Variants in RORB observed in about 807,000 individuals in gnomAD.
The protein encoded by RORB is RAR related orphan receptor B.
In RORB, 6 loss-of-function variants were observed where a neutral mutation model predicts 59.1. That is an observed-to-expected ratio of 0.10 (90% CI 0.06 to 0.20). The LOEUF (loss-of-function observed/expected upper bound fraction) is 0.20. RORB is among the 10% of genes least tolerant of loss of function. RORB has a pLI of 1.00. For missense variants in RORB, 320 were observed against 560.5 expected (o/e 0.57, Z 4.33); for synonymous variants, 215 against 204.5 (o/e 1.05, Z -0.44).
Position 74,662,452 on chromosome 9 carries a change from TTC to T in RORB, c.760-20_760-19del. On this transcript the variant is annotated intron_variant, in intron 5 of 9. Coordinates refer to ENST00000376896, the MANE Select transcript of RORB (RefSeq NM_006914.4). ...CCGTAAGTCGTTTGCCCTATTTACA[TTC>T]TGTGTCTTCTCTCCTCAAGTCCAGG... 6.2e-7 allele frequency: 1 copy of T among 1,613,246 alleles called. No homozygotes were observed. Among genetic ancestry groups the T allele is most frequent in the Non-Finnish European group, 8.5e-7 (1 of 1,179,332 alleles).
chr9:74,643,454 C>T (rs1045118854), intron 4 of RORB, among the ~76,000 whole-genome samples: 2 of 152,224 alleles, frequency 1.3e-5, no homozygotes, highest in African/African-American at 2.4e-5. Context: ...AAAGCTGATC[C>T]TCTTTCCTTC....
At chr9:74,580,580 A>C (rs1822707111) in intron 1 of RORB, among the ~76,000 whole-genome samples, 2 of 152,260 alleles carry the variant, frequency 1.3e-5, no homozygotes, top group South Asian at 2.1e-4. Context: ...GCAGTGCCCC[A>C]AAAATAATTC....
At chr9:74,585,969 TG>T (rs1388764187) in intron 1 of RORB, among the ~76,000 whole-genome samples, 1 of 151,396 alleles carries the variant, frequency 6.6e-6, no homozygotes, top group Non-Finnish European at 1.5e-5. Flanking sequence ...TAATTTTTTG[TG>T]TTTTTAGTAG....
chr9:74,689,421 C>T lies in RORB; in HGVS notation c.*3803C>T, dbSNP rs1646505815. 2 of 152,170 alleles carry T rather than the reference C, an allele frequency of 1.3e-5. No individual in the cohort carries two copies. The highest frequency in any genetic ancestry group is 4.8e-5 in the African/African-American group (2 of 41,418). 9.4% of individuals were successfully genotyped at this position (152,170 alleles called of 1,614,324 possible). ...GCCCTGCCTTCAGTGGCTCTTTTATCCCCCAAAGACTGAAAGCTGAAGGTG... is the reference window on the plus strand; with the variant it reads ...GCCCTGCCTTCAGTGGCTCTTTTATTCCCCAAAGACTGAAAGCTGAAGGTG... On this transcript the variant is annotated 3_prime_UTR_variant, in exon 10 of 10. Transcript: ENST00000376896.
chr9:74,675,139 T>A (rs142390203), intron 9 of RORB, among the ~76,000 whole-genome samples: 3 of 151,686 alleles, frequency 2.0e-5, no homozygotes, highest in Non-Finnish European at 4.4e-5. Context: ...AGTTGGGAGG[T>A]TGAAGAAGTG....
At chr9:74,527,394 C>A (rs1826170348) in intron 1 of RORB, among the ~76,000 whole-genome samples, 1 of 151,938 alleles carries the variant, frequency 6.6e-6, no homozygotes, top group African/African-American at 2.4e-5. Flanking sequence ...AAACCCCCTA[C>A]CCTAATGAAA....
intron 1 of RORB, among the ~76,000 whole-genome samples, chr9:74,628,417 G>A (rs1025058107): frequency 3.9e-5 from 6 of 152,050 alleles, no homozygotes; most frequent in Non-Finnish European, 7.4e-5. Context: ...TGAAGTATCA[G>A]GATATTTAGC....
intron 7 of RORB, among the ~76,000 whole-genome samples, chr9:74,666,880 T>C (rs1824277167): frequency 6.6e-6 from 1 of 152,230 alleles, no homozygotes; most frequent in Admixed American, 6.5e-5. Flanking sequence ...GATGGGCTGA[T>C]GCCAGGAAAG....
At chr9:74,624,537 C>T (rs1408726500) in intron 1 of RORB, among the ~76,000 whole-genome samples, 2 of 152,234 alleles carry the variant, frequency 1.3e-5, no homozygotes, top group Non-Finnish European at 2.9e-5. Flanking sequence ...GATCCTATCC[C>T]ATCCCAACCT....
intron 1 of RORB, among the ~76,000 whole-genome samples, chr9:74,515,415 A>C (rs893782926): frequency 1.3e-5 from 2 of 151,916 alleles, no homozygotes; most frequent in African/African-American, 4.8e-5. Context: ...CATCTCACTG[A>C]ATATTATTAT....
At chr9:74,518,752 A>T (rs1370933229) in intron 1 of RORB, among the ~76,000 whole-genome samples, 1 of 151,958 alleles carries the variant, frequency 6.6e-6, no homozygotes, top group Non-Finnish European at 1.5e-5. Context: ...AGACTAGGTA[A>T]CCTGTCCAAA....
intron 4 of RORB, among the ~76,000 whole-genome samples, chr9:74,647,270 C>T (rs1235578020): frequency 6.6e-6 from 1 of 152,112 alleles, no homozygotes; most frequent in African/African-American, 2.4e-5. Flanking sequence ...GAAAGTAGAA[C>T]ATCTTGTCTT....
At chr9:74,667,318 G>A (rs900580329) in intron 7 of RORB, among the ~76,000 whole-genome samples, 4 of 152,132 alleles carry the variant, frequency 2.6e-5, no homozygotes, top group African/African-American at 4.8e-5. Context: ...TATTTCTAAC[G>A]TCTCAGTTTA....
chr9:74,664,112 T>C (rs148457315), intron 6 of RORB, among the ~76,000 whole-genome samples: 49 of 152,324 alleles, frequency 3.2e-4, no homozygotes, highest in Non-Finnish European at 5.9e-4. Context: ...CCACACTTGA[T>C]ATGTGACCTT....
intron 1 of RORB, among the ~76,000 whole-genome samples, chr9:74,506,234 A>G (rs1024210939): frequency 3.3e-5 from 5 of 152,060 alleles, no homozygotes; most frequent in African/African-American, 4.8e-5. Context: ...GAAGGCCACA[A>G]TGATGTTCTT....
chr9:74,602,676 C>T (rs1049881641), intron 1 of RORB, among the ~76,000 whole-genome samples: 1 of 152,166 alleles, frequency 6.6e-6, no homozygotes, highest in African/African-American at 2.4e-5. Flanking sequence ...CCTTTCTCCC[C>T]CAAAAGAAAT....
chr9:74,669,061 A>G (rs761550343), intron 8 of RORB, among the ~76,000 whole-genome samples: 12 of 152,152 alleles, frequency 7.9e-5, no homozygotes, highest in Non-Finnish European at 1.3e-4. Flanking sequence ...AGAGGGATGG[A>G]CTCCATAATA....
chr9:74,650,197 A>T (rs961345251), intron 4 of RORB, among the ~76,000 whole-genome samples: 10 of 152,360 alleles, frequency 6.6e-5, no homozygotes, highest in Admixed American at 5.2e-4. Context: ...TCAGTCCCTA[A>T]TGACAGTTTC....
At chr9:74,671,012 T>C (rs1472530303) in intron 8 of RORB, among the ~76,000 whole-genome samples, 2 of 152,024 alleles carry the variant, frequency 1.3e-5, no homozygotes, top group Non-Finnish European at 2.9e-5. Context: ...TCCATAAAGG[T>C]CCAACCTAAG....
Sources: gnomAD v4.1 joint callset for allele counts (sites outside exome capture counted in the v4.1 genomes callset) on GRCh38, gnomAD v4.1.1 for gene constraint, MANE v1.5 for transcripts, NCBI Gene and HGNC (gene_info 2026-07-23, HGNC 2026-07-21) for gene names.